The following CENPP variants were observed in gnomAD, a reference collection of about 807,000 sequenced individuals.
CENPP encodes the protein centromere protein P.
Under a neutral mutation model 35.6 loss-of-function variants are expected in CENPP, and 24 were observed. The ratio of observed to expected loss-of-function variants is 0.67; its 90% confidence interval spans 0.49 to 0.95. CENPP has a LOEUF of 0.95. CENPP is among the 40% of genes least tolerant of loss of function. The pLI is 0.00. For synonymous variants in CENPP, 120 were observed against 125.5 expected (o/e 0.96, Z 0.29); for missense variants, 332 against 345.3 (o/e 0.96, Z 0.31).
rs920842313 is a variant in CENPP at position 92,620,462 on chromosome 9, A to G, written c.*7313A>G. 6.6e-6 allele frequency: 1 copy of G among 152,184 alleles called. No homozygotes were observed. Among genetic ancestry groups the G allele is most frequent in the Admixed American group, 6.5e-5 (1 of 15,290 alleles). 9.4% of individuals were successfully genotyped at this position (152,184 alleles called of 1,614,324 possible). A position where few individuals can be genotyped will look rare whatever the true frequency, so the allele number is the denominator to read the frequency against. ...TCCTCTTCCTTCTTTGGACTTTCAT[A>G]TATGGTTTGCATTGTTTTAGATGGC... On this transcript the variant is annotated 3_prime_UTR_variant, in exon 8 of 8. Transcript: ENST00000375587.
intron 5 of CENPP, among the ~76,000 whole-genome samples, chr9:92,571,920 T>G (rs966292110): frequency 1.3e-5 from 2 of 151,738 alleles, no homozygotes; most frequent in African/African-American, 2.4e-5. Context: ...TTTTTTTTTT[T>G]TTTTGTTTTC....
chr9:92,380,636 A>G (rs1204789773), intron 5 of CENPP, among the ~76,000 whole-genome samples: 1 of 152,172 alleles, frequency 6.6e-6, no homozygotes, highest in African/African-American at 2.4e-5. Context: ...ATTTTTTTCC[A>G]CAAAGAAACA....
intron 5 of CENPP, among the ~76,000 whole-genome samples, chr9:92,598,855 C>T (rs1431586510): frequency 2.0e-5 from 3 of 151,208 alleles, no homozygotes; most frequent in Non-Finnish European, 2.9e-5. Context: ...CACCTGTAAT[C>T]CCAGCACTTT....
chr9:92,528,125 G>A (rs1475523403), intron 5 of CENPP: 1 of 152,318 alleles, frequency 6.6e-6, no homozygotes, highest in Non-Finnish European at 1.5e-5. Context: ...CCAACATGGA[G>A]TAATAGGGAC....
chr9:92,343,886 C>G (rs1841198195), intron 3 of CENPP, among the ~76,000 whole-genome samples: 1 of 150,318 alleles, frequency 6.7e-6, no homozygotes, highest in Non-Finnish European at 1.5e-5. Flanking sequence ...TTGCTTGAGC[C>G]CACAAATTCA....
At chr9:92,603,662 A>G (rs889911095) in intron 5 of CENPP, among the ~76,000 whole-genome samples, 45 of 151,942 alleles carry the variant, frequency 3.0e-4, no homozygotes, top group African/African-American at 9.9e-4. Context: ...TACCTCACAA[A>G]AAGTACCTCA....
chr9:92,369,353 A>C (rs578223058), intron 4 of CENPP, among the ~76,000 whole-genome samples: 7 of 152,284 alleles, frequency 4.6e-5, no homozygotes, highest in Non-Finnish European at 1.0e-4. Flanking sequence ...GGGTCAGAGG[A>C]CCTGTCCCTA....
intron 5 of CENPP, among the ~76,000 whole-genome samples, chr9:92,412,622 A>G (rs1843475322): frequency 6.6e-6 from 1 of 152,194 alleles, no homozygotes; most frequent in Non-Finnish European, 1.5e-5. Flanking sequence ...GTGTCTTTTT[A>G]CGACTGACTT....
intron 5 of CENPP, among the ~76,000 whole-genome samples, chr9:92,425,136 C>A (rs2516567): frequency 1.3e-5 from 2 of 152,014 alleles, no homozygotes; most frequent in Non-Finnish European, 2.9e-5. Context: ...ATTAACTATA[C>A]GACTTTTCTA....
intron 5 of CENPP, among the ~76,000 whole-genome samples, chr9:92,421,193 C>T (rs569563966): frequency 2.4e-4 from 37 of 152,218 alleles, no homozygotes; most frequent in Admixed American, 9.8e-4. Context: ...ATGCGTGCCA[C>T]CACACCTGGC....
At chr9:92,406,924 A>G (rs986813283) in intron 5 of CENPP, among the ~76,000 whole-genome samples, 2 of 152,142 alleles carry the variant, frequency 1.3e-5, no homozygotes, top group South Asian at 4.1e-4. Flanking sequence ...GATTCCTAGA[A>G]CCACTCTTAT....
At chr9:92,531,553 G>A (rs1276617973) in intron 5 of CENPP, among the ~76,000 whole-genome samples, 1 of 151,898 alleles carries the variant, frequency 6.6e-6, no homozygotes, top group African/African-American at 2.4e-5. Flanking sequence ...TTTATGGGGA[G>A]ATGCCCTGTA....
chr9:92,416,571 C>T (rs767092028), intron 5 of CENPP: 1 of 1,165,438 alleles, frequency 8.6e-7, no homozygotes, highest in Non-Finnish European at 1.2e-6. Flanking sequence ...TTTAAAAGAT[C>T]AGGATTCCAT....
intron 5 of CENPP, among the ~76,000 whole-genome samples, chr9:92,543,467 G>A (rs1267511600): frequency 1.5e-5 from 1 of 68,006 alleles, no homozygotes; most frequent in Non-Finnish European, 2.5e-5. Flanking sequence ...GTGAAACCCT[G>A]TCTCAAAAAA....
chr9:92,472,085 C>CT, intron 5 of CENPP, among the ~76,000 whole-genome samples: 1 of 152,036 alleles, frequency 6.6e-6, no homozygotes, highest in East Asian at 1.9e-4. Context: ...GGCATGGTGC[C>CT]TTACGCCTGT....
chr9:92,391,823 C>T (rs1282241161), intron 5 of CENPP, among the ~76,000 whole-genome samples: 1 of 152,070 alleles, frequency 6.6e-6, no homozygotes, highest in Non-Finnish European at 1.5e-5. Flanking sequence ...CTGAGAAAGC[C>T]CATGAAAGCA....
In CENPP at chr9:92,446,783, G is replaced by C. The variant is rs960024005; in HGVS notation, c.564+66924G>C. ...TGGAGAATATGAAAGAACAGACCAA[G>C]CTGGGCAACAGAGTGGGACTCTGTC... On this transcript the variant is annotated intron_variant, in intron 5 of 7. Transcript: ENST00000375587. 1.4e-5 allele frequency among the ~76,000 whole-genome samples: 2 copies of C among 143,894 alleles called. 1 individual carries two copies. Among genetic ancestry groups the C allele is most frequent in the Admixed American group, 1.4e-4 (2 of 14,174 alleles). 94.4% of individuals were successfully genotyped at this position (143,894 alleles called of 152,430 possible).
intron 5 of CENPP, among the ~76,000 whole-genome samples, chr9:92,434,186 C>G (rs1197509550): frequency 6.6e-6 from 1 of 151,932 alleles, no homozygotes; most frequent in Non-Finnish European, 1.5e-5. Context: ...GTCAGGAGTT[C>G]CAGACCAGCC....
At chr9:92,343,320 T>C (rs1185238216) in intron 3 of CENPP, among the ~76,000 whole-genome samples, 2 of 152,206 alleles carry the variant, frequency 1.3e-5, no homozygotes, top group African/African-American at 4.8e-5. Context: ...TAGAGCTCTG[T>C]TGGCCAGATT....
Sources: allele counts gnomAD v4.1 joint callset (sites outside exome capture counted in the v4.1 genomes callset), GRCh38; gene constraint gnomAD v4.1.1; transcripts MANE v1.5; gene names NCBI Gene and HGNC (gene_info 2026-07-23, HGNC 2026-07-21).